Variants in ICA1L observed in about 807,000 individuals in gnomAD.
ICA1L encodes the protein islet cell autoantigen 1-like protein.
In ICA1L, 50 loss-of-function variants were observed where a neutral mutation model predicts 61.3. The observed-to-expected ratio is 0.82, with a 90% CI of 0.65 to 1.03. The LOEUF (loss-of-function observed/expected upper bound fraction) is 1.03. Ranked by LOEUF, ICA1L falls within the 50% of genes least tolerant of loss-of-function variation. The probability of loss-of-function intolerance (pLI) is 0.00; values close to 1 mark genes in which losing one functional copy is unlikely to be tolerated. For synonymous variants in ICA1L, 161 were observed against 191.3 expected (o/e 0.84, Z 1.31); for missense variants, 508 against 556.7 (o/e 0.91, Z 0.88).
At chr2:202,787,729 G>C (rs1692630856) in intron 11 of ICA1L, among the ~76,000 whole-genome samples, 1 of 152,214 alleles carries the variant, frequency 6.6e-6, no homozygotes, top group African/African-American at 2.4e-5. Flanking sequence ...ACTGTGAAGT[G>C]CCGTGAGGGG....
chr2:202,787,604 C>T (rs767019240), intron 11 of ICA1L, among the ~76,000 whole-genome samples: 4 of 152,228 alleles, frequency 2.6e-5, no homozygotes, highest in Non-Finnish European at 5.9e-5. Flanking sequence ...GAGCTAACAA[C>T]ATGCTGCTGT....
In ICA1L at chr2:202,821,475, G is replaced by GAT; in HGVS notation, c.240_241dup (p.Ser81TyrfsTer8). The GAT allele has an allele frequency of 6.2e-7, 1 of 1,603,068 alleles. No homozygotes were observed. Among genetic ancestry groups the GAT allele is most frequent in the Non-Finnish European group, 8.5e-7 (1 of 1,175,472 alleles). On this transcript the variant is annotated frameshift_variant, in exon 4 of 13. Coordinates refer to ENST00000358299, the MANE Select transcript of ICA1L (RefSeq NM_001288622.3). LOFTEE classifies it high-confidence loss of function. ...GAGCCCTAGCTCATTTTCTTCCTCT[G>GAT]ATATAACTAGGAAAAAAATTACAGT...
intron 11 of ICA1L, chr2:202,786,527 G>A (rs970366424): frequency 4.5e-6 from 1 of 222,712 alleles, no homozygotes; most frequent in Non-Finnish European, 9.0e-6. Flanking sequence ...CCGCAGTCCG[G>A]CCTGGGCGAC....
chr2:202,859,068 A>G (rs1694839063), intron 1 of ICA1L, among the ~76,000 whole-genome samples: 1 of 152,206 alleles, frequency 6.6e-6, no homozygotes, highest in Admixed American at 6.5e-5. Context: ...ATCAATAAGT[A>G]TATTAGATTA....
At chr2:202,816,071 A>C in intron 6 of ICA1L, 62 bp from the exon 7 acceptor site, 1 of 1,027,378 alleles carries the variant, frequency 9.7e-7, no homozygotes, top group South Asian at 1.6e-5. Flanking sequence ...TTTAAGTGCT[A>C]TATTTCCTTA....
intron 1 of ICA1L, among the ~76,000 whole-genome samples, chr2:202,832,131 C>CTT (rs777710562): frequency 3.9e-5 from 6 of 152,182 alleles, no homozygotes; most frequent in Admixed American, 6.5e-5. Flanking sequence ...AGTTTGGAGT[C>CTT]TGAGTTCAGT....
At chr2:202,868,244 G>A (rs1239610839) in intron 1 of ICA1L, among the ~76,000 whole-genome samples, 4 of 152,026 alleles carry the variant, frequency 2.6e-5, no homozygotes, top group Non-Finnish European at 5.9e-5. Flanking sequence ...TTTGATAAAA[G>A]AGCAGGAATG....
intron 1 of ICA1L, among the ~76,000 whole-genome samples, chr2:202,858,836 T>C (rs1694832640): frequency 6.6e-6 from 1 of 152,156 alleles, no homozygotes; most frequent in South Asian, 2.1e-4. Context: ...CAACAGACTG[T>C]ATCAGATGGT....
At chr2:202,792,385 A>G (rs1390193765) in intron 10 of ICA1L, among the ~76,000 whole-genome samples, 1 of 152,238 alleles carries the variant, frequency 6.6e-6, no homozygotes, top group South Asian at 2.1e-4. Flanking sequence ...AGAGAAGTAC[A>G]TGAATGTTCA....
At chr2:202,808,426 C>T (rs1158787493) in intron 9 of ICA1L, among the ~76,000 whole-genome samples, 1 of 152,174 alleles carries the variant, frequency 6.6e-6, no homozygotes, top group Non-Finnish European at 1.5e-5. Flanking sequence ...GGTGCCAGCT[C>T]AGCTGGTGTA....
In ICA1L at chr2:202,839,558, C is replaced by CTGTGTGTGTG. The variant is rs57535958; in HGVS notation, c.-7-10552_-7-10543dup. ...TCTTCCAGGCAGCATACAGTTAAGT[C>CTGTGTGTGTG]TGTGTGTGTGTGTGTGTGTGTGTGT... is the stretch of plus-strand genomic sequence containing the variant. On this transcript the variant is annotated intron_variant, in intron 1 of 12. Transcript: ENST00000358299. Among the ~76,000 whole-genome samples the CTGTGTGTGTG allele has an allele frequency of 5.0e-3, 577 of 114,412 alleles. 5 individuals are homozygous for CTGTGTGTGTG. The highest frequency in any genetic ancestry group is 0.015 in the African/African-American group (405 of 26,288). 75.1% of individuals were successfully genotyped at this position (114,412 alleles called of 152,430 possible). A position where few individuals can be genotyped will look rare whatever the true frequency, so the allele number is the denominator to read the frequency against.
chr2:202,839,612 GTGTGTGTT>G (rs1216965240), intron 1 of ICA1L, among the ~76,000 whole-genome samples: 4 of 70,434 alleles, frequency 5.7e-5, no homozygotes, highest in Admixed American at 5.1e-4. Flanking sequence ...GTGTGTGTGT[GTGTGTGTT>G]TTGTTTTGTT....
chr2:202,831,904 C>T (rs920721592), intron 1 of ICA1L, among the ~76,000 whole-genome samples: 2 of 151,992 alleles, frequency 1.3e-5, no homozygotes, highest in African/African-American at 4.8e-5. Flanking sequence ...TCAAGGCTGG[C>T]AGAACTATCA....
intron 1 of ICA1L, among the ~76,000 whole-genome samples, chr2:202,854,094 T>C (rs896948810): frequency 6.6e-6 from 1 of 152,014 alleles, no homozygotes; most frequent in Non-Finnish European, 1.5e-5. Context: ...AGACACAGAC[T>C]GGCAAATTGG....
At chr2:202,784,625 A>G (rs1692521643) in intron 12 of ICA1L, among the ~76,000 whole-genome samples, 1 of 152,220 alleles carries the variant, frequency 6.6e-6, no homozygotes, top group South Asian at 2.1e-4. Flanking sequence ...TCTGTCAAAC[A>G]GAGTATTATT....
chr2:202,809,401 G>A (rs2105841399), intron 9 of ICA1L, among the ~76,000 whole-genome samples: 1 of 152,118 alleles, frequency 6.6e-6, no homozygotes, highest in South Asian at 2.1e-4. Flanking sequence ...TGTAATCCCA[G>A]TACTTCGAGA....
At chr2:202,814,120 T>C (rs117188661) in intron 8 of ICA1L, among the ~76,000 whole-genome samples, 1,822 of 152,264 alleles carry the variant, frequency 0.012, 52 homozygotes, top group Admixed American at 0.077. Context: ...ATATAAGGTT[T>C]CAAAACAAAT....
At chr2:202,798,932 T>C (rs1001303337) in intron 9 of ICA1L, among the ~76,000 whole-genome samples, 1 of 152,202 alleles carries the variant, frequency 6.6e-6, no homozygotes, top group African/African-American at 2.4e-5. Context: ...GTTCTATCCA[T>C]GTTGCTGCAA....
At chr2:202,803,308 G>T (rs570985742) in intron 9 of ICA1L, among the ~76,000 whole-genome samples, 1 of 150,458 alleles carries the variant, frequency 6.6e-6, no homozygotes, top group Non-Finnish European at 1.5e-5. Context: ...GGCCGAAGCA[G>T]GAGAATCTCT....
Sources: gnomAD v4.1 joint callset for allele counts (sites outside exome capture counted in the v4.1 genomes callset) on GRCh38, gnomAD v4.1.1 for gene constraint, MANE v1.5 for transcripts, NCBI Gene and HGNC (gene_info 2026-07-23, HGNC 2026-07-21) for gene names.